Variants in NAA11 observed in about 807,000 individuals in gnomAD.
NAA11 encodes N-alpha-acetyltransferase 11.
NAA11 carries 15 observed loss-of-function variants against 16.1 expected under a neutral mutation model. The observed-to-expected ratio is 0.93, with a 90% CI of 0.62 to 1.44. The LOEUF is 1.44. NAA11 is among the 40% of genes most tolerant of loss of function. The probability of loss-of-function intolerance (pLI) is 0.00; values close to 1 mark genes in which losing one functional copy is unlikely to be tolerated. For synonymous variants in NAA11, 122 were observed against 112.4 expected (o/e 1.09, Z -0.54); for missense variants, 298 against 291.3 (o/e 1.02, Z -0.17).
chr4:79,198,159 G>T, the NAA11 span, among the ~76,000 whole-genome samples: 1 of 151,854 alleles, frequency 6.6e-6, no homozygotes, highest in Non-Finnish European at 1.5e-5. Context: ...GTCAAAACCT[G>T]TTTAAGAGAG....
rs550856298 is a variant in NAA11, at chr4:79,245,797, G to C, written c.*123-19527C>G. On this transcript the variant is annotated intron_variant and NMD_transcript_variant, in intron 2 of 2. Coordinates refer to the NAA11 transcript ENST00000511542. ...CGCCTCCGCCCAGCCGCCCGTCTGGGGGGTGAGGGGCCCCTCTGCCCGGCC... is the reference window on the plus strand; with the variant it reads ...CGCCTCCGCCCAGCCGCCCGTCTGGCGGGTGAGGGGCCCCTCTGCCCGGCC... Among the ~76,000 whole-genome samples, 286 of 152,088 alleles carry C rather than the reference G, an allele frequency of 1.9e-3. 1 individual carries two copies. The highest frequency in any genetic ancestry group is 0.014 in the Middle Eastern group (4 of 294).
At chr4:79,268,145 T>G (rs1442678975) in intron 2 of NAA11, among the ~76,000 whole-genome samples, 1 of 152,186 alleles carries the variant, frequency 6.6e-6, no homozygotes, top group Non-Finnish European at 1.5e-5. Flanking sequence ...GTTCAAAGGA[T>G]TCTTTTTACT....
chr4:79,209,743 A>C, the NAA11 span, among the ~76,000 whole-genome samples: 4 of 152,106 alleles, frequency 2.6e-5, no homozygotes, highest in African/African-American at 9.7e-5. Flanking sequence ...TCAATAACCC[A>C]GTTTAGATTA....
the NAA11 span, among the ~76,000 whole-genome samples, chr4:79,177,669 T>C: frequency 1.3e-5 from 2 of 152,122 alleles, no homozygotes; most frequent in African/African-American, 4.8e-5. Flanking sequence ...TTTACATTTT[T>C]AGTAATAATA....
At chr4:79,233,440 T>C (rs1721508048) in intron 2 of NAA11, among the ~76,000 whole-genome samples, 5 of 152,008 alleles carry the variant, frequency 3.3e-5, no homozygotes, top group Admixed American at 2.0e-4. Context: ...GAATCCCTTG[T>C]TTTTCTTTTG....
intron 2 of NAA11, among the ~76,000 whole-genome samples, chr4:79,291,820 C>T (rs1449761870): frequency 6.6e-6 from 1 of 152,044 alleles, no homozygotes; most frequent in East Asian, 1.9e-4. Flanking sequence ...ATAGTATTTT[C>T]AAGTTTTTCT....
intron 1 of NAA11, among the ~76,000 whole-genome samples, chr4:79,311,353 G>T (rs564041675): frequency 6.6e-6 from 1 of 152,160 alleles, no homozygotes; most frequent in African/African-American, 2.4e-5. Context: ...AACAAACAGA[G>T]GATCCAATAC....
intron 1 of NAA11, among the ~76,000 whole-genome samples, chr4:79,302,446 T>C (rs1723420100): frequency 6.6e-6 from 1 of 152,218 alleles, no homozygotes; most frequent in Non-Finnish European, 1.5e-5. Context: ...TGAAAAGGGA[T>C]GTGCAGTTGC....
chr4:79,278,905 A>G (rs1334959932), intron 2 of NAA11, among the ~76,000 whole-genome samples: 1 of 152,102 alleles, frequency 6.6e-6, no homozygotes, highest in African/African-American at 2.4e-5. Context: ...GAAGTCCAAG[A>G]TCAAGATGTC....
At chr4:79,300,559 A>G (rs1339484241) in intron 1 of NAA11, among the ~76,000 whole-genome samples, 1 of 152,248 alleles carries the variant, frequency 6.6e-6, no homozygotes, top group Non-Finnish European at 1.5e-5. Context: ...ACAGGGCAGG[A>G]AGAGAAAGCA....
intron 2 of NAA11, among the ~76,000 whole-genome samples, chr4:79,241,824 G>A (rs547826168): frequency 1.4e-4 from 22 of 152,240 alleles, no homozygotes; most frequent in Non-Finnish European, 2.9e-4. Flanking sequence ...AAGCTCAAAT[G>A]TGTTAGAAAG....
chr4:79,309,084 G>A (rs1436013851), intron 1 of NAA11, among the ~76,000 whole-genome samples: 2 of 149,556 alleles, frequency 1.3e-5, no homozygotes, highest in East Asian at 3.8e-4. Context: ...CTTTTCTTAG[G>A]AAGTTTTGAT....
At chr4:79,288,626 T>C (rs947039985) in intron 2 of NAA11, among the ~76,000 whole-genome samples, 1 of 152,184 alleles carries the variant, frequency 6.6e-6, no homozygotes, top group African/African-American at 2.4e-5. Flanking sequence ...TGGATAAATT[T>C]GTGTGTGGAT....
At chr4:79,230,175 C>T (rs1560691019) in intron 2 of NAA11, among the ~76,000 whole-genome samples, 1 of 149,142 alleles carries the variant, frequency 6.7e-6, no homozygotes, top group Non-Finnish European at 1.5e-5. Flanking sequence ...ATCGCAAGAA[C>T]AAAAAACCAA....
the NAA11 span, among the ~76,000 whole-genome samples, chr4:79,186,185 C>T: frequency 5.3e-5 from 8 of 152,128 alleles, no homozygotes; most frequent in Non-Finnish European, 1.2e-4. Flanking sequence ...GTGTTCCCCC[C>T]GCCTCCCGAA....
intron 1 of NAA11, among the ~76,000 whole-genome samples, chr4:79,298,151 C>G (rs761997113): frequency 1.1e-4 from 16 of 152,120 alleles, no homozygotes; most frequent in Non-Finnish European, 2.2e-4. Context: ...ATCTGGACAC[C>G]CTGGCTGCAG....
chr4:79,224,636 G>A (rs899649203), downstream of NAA11, among the ~76,000 whole-genome samples: 1 of 152,080 alleles, frequency 6.6e-6, no homozygotes, highest in Non-Finnish European at 1.5e-5. Flanking sequence ...TGTGAAAGTG[G>A]AGGCTGGAGA....
At chr4:79,258,063 C>T (rs1722160232) in intron 2 of NAA11, among the ~76,000 whole-genome samples, 1 of 152,252 alleles carries the variant, frequency 6.6e-6, no homozygotes, top group African/African-American at 2.4e-5. Flanking sequence ...GCCAGGGCTG[C>T]ACATGCCACA....
At chr4:79,315,285 G>A (rs1308177910), downstream of NAA11, among the ~76,000 whole-genome samples, 2 of 151,952 alleles carry the variant, frequency 1.3e-5, no homozygotes, top group Non-Finnish European at 1.5e-5. Flanking sequence ...CAGTGTTTCA[G>A]TCCTGATCCT....
Sources: allele counts gnomAD v4.1 joint callset (sites outside exome capture counted in the v4.1 genomes callset), GRCh38; gene constraint gnomAD v4.1.1; transcripts MANE v1.5; gene names NCBI Gene and HGNC (gene_info 2026-07-23, HGNC 2026-07-21).